ZBBX: variants seen among roughly 807,000 people sequenced by gnomAD.
The protein encoded by ZBBX is zinc finger B-box domain-containing protein 1.
A neutral mutation model predicts 108.5 loss-of-function variants in ZBBX; 101 were observed. That is an observed-to-expected ratio of 0.93 (90% CI 0.79 to 1.10). ZBBX has a LOEUF of 1.10. ZBBX is among the 50% of genes least tolerant of loss of function. The pLI, the probability that ZBBX is intolerant of heterozygous loss-of-function variation, is 0.00. For missense variants in ZBBX, 1,009 were observed against 941.4 expected, an observed-to-expected ratio of 1.07 and a Z score of -0.94; for synonymous variants, 356 against 323.4, an observed-to-expected ratio of 1.10 and a Z score of -1.08.
intron 11 of ZBBX, among the ~76,000 whole-genome samples, chr3:167,326,568 C>A (rs1031820388): frequency 1.3e-5 from 2 of 151,714 alleles, no homozygotes; most frequent in Non-Finnish European, 1.5e-5. Context: ...GCTTCCAAAG[C>A]AGACAAAGAA....
the ZBBX span, among the ~76,000 whole-genome samples, chr3:167,220,209 G>A: frequency 2.6e-4 from 40 of 151,874 alleles, no homozygotes; most frequent in African/African-American, 9.7e-4. Context: ...AATAGAGAAG[G>A]AAGGAACACT....
At position 167,240,058 on chromosome 3, in the gene ZBBX, A is replaced by G. The variant is rs544733846; in HGVS notation, c.*735T>C. On this transcript the variant is annotated 3_prime_UTR_variant, in exon 22 of 22. Transcript: ENST00000675490. ...CAGCAGCATAGGGGTAACTGCCCCC[A>G]TGATTCAATTACTTCCCACCAGGTC... Among the ~76,000 whole-genome samples, 5 of 152,220 alleles carry G rather than the reference A, an allele frequency of 3.3e-5. No homozygotes were observed. Among genetic ancestry groups the G allele is most frequent in the Admixed American group, 1.3e-4 (2 of 15,286 alleles).
intron 6 of ZBBX, among the ~76,000 whole-genome samples, chr3:167,361,315 TA>T (rs1744470280): frequency 6.6e-6 from 1 of 152,180 alleles, no homozygotes. Context: ...AATCATCACT[TA>T]AAATTTTGGG....
chr3:167,214,324 G>GA, the ZBBX span, among the ~76,000 whole-genome samples: 2 of 152,066 alleles, frequency 1.3e-5, no homozygotes, highest in African/African-American at 4.8e-5. Flanking sequence ...ATGGAAAACA[G>GA]AAAAAAGCAG....
In ZBBX at chr3:167,305,729, A is replaced by T; in HGVS notation, c.1639T>A (p.Ser547Thr). 6.2e-7 allele frequency: 1 copy of T among 1,612,150 alleles called. No homozygotes were observed. Among genetic ancestry groups the T allele is most frequent in the Non-Finnish European group, 8.5e-7 (1 of 1,179,308 alleles). The change falls in exon 17 of 22, where the codon TCT (serine) becomes ACT (threonine). Residue 547 changes from serine (S) to threonine (T), a missense_variant. Coordinates refer to ENST00000675490, the MANE Select transcript of ZBBX (RefSeq NM_001199201.2). ...TCCAAGGATTCTTTGATGTCTTGAG[A>T]TAATTTCTCCTCAATGGGAGCTTTT... is the stretch of plus-strand genomic sequence containing the variant. ...LEKAPIEEKLSQDIKESLELS... is the reference protein window; with the variant it reads ...LEKAPIEEKLTQDIKESLELS...
intron 20 of ZBBX, among the ~76,000 whole-genome samples, chr3:167,247,562 G>GTTA (rs1025145671): frequency 6.6e-5 from 10 of 152,148 alleles, no homozygotes; most frequent in African/African-American, 2.2e-4. Context: ...AATTGAGCTG[G>GTTA]TTAACACAAG....
chr3:167,302,676 T>C (rs761207682), intron 17 of ZBBX, among the ~76,000 whole-genome samples: 2 of 152,204 alleles, frequency 1.3e-5, no homozygotes, highest in Non-Finnish European at 2.9e-5. Context: ...TATAGTTTCA[T>C]GGATGCTGGA....
At chr3:167,378,275 C>A (rs887658099) in intron 2 of ZBBX, among the ~76,000 whole-genome samples, 1 of 152,136 alleles carries the variant, frequency 6.6e-6, no homozygotes, top group Non-Finnish European at 1.5e-5. Context: ...CTAAATGGTA[C>A]CCAAGTTGCC....
intron 18 of ZBBX, among the ~76,000 whole-genome samples, chr3:167,294,007 C>T (rs1006671349): frequency 6.6e-6 from 1 of 152,116 alleles, no homozygotes; most frequent in African/African-American, 2.4e-5. Flanking sequence ...AGAACCTCTT[C>T]AAGGAGAACT....
chr3:167,312,855 T>C (rs1734823209), intron 16 of ZBBX, among the ~76,000 whole-genome samples: 1 of 152,212 alleles, frequency 6.6e-6, no homozygotes, highest in Non-Finnish European at 1.5e-5. Flanking sequence ...CTGCTTTCTA[T>C]CTTCTGCTGC....
chr3:167,180,849 T>A, the ZBBX span, among the ~76,000 whole-genome samples: 1 of 152,314 alleles, frequency 6.6e-6, no homozygotes, highest in South Asian at 2.1e-4. Context: ...GAGAAGCCAA[T>A]CCTGGCTGTA....
At chr3:167,348,368 G>GAA (rs1222677422) in intron 9 of ZBBX, among the ~76,000 whole-genome samples, 2 of 111,586 alleles carry the variant, frequency 1.8e-5, no homozygotes, top group African/African-American at 6.8e-5. Context: ...AAGAAAGAAA[G>GAA]AAAAAAAAGA....
At chr3:167,239,538 T>C (rs1179752100), downstream of ZBBX, among the ~76,000 whole-genome samples, 2 of 152,134 alleles carry the variant, frequency 1.3e-5, no homozygotes, top group Non-Finnish European at 2.9e-5. Context: ...TATTTTCTCC[T>C]CCTTATGATT....
At chr3:167,382,696 G>A (rs1448341214), upstream of ZBBX, among the ~76,000 whole-genome samples, 1 of 151,982 alleles carries the variant, frequency 6.6e-6, no homozygotes, top group Non-Finnish European at 1.5e-5. Flanking sequence ...TGCCATACTA[G>A]AATACTGTTT....
At chr3:167,237,976 C>T (rs1720298746), downstream of ZBBX, among the ~76,000 whole-genome samples, 1 of 151,812 alleles carries the variant, frequency 6.6e-6, no homozygotes, top group African/African-American at 2.4e-5. Context: ...TAGGACAACA[C>T]CATATTCCTT....
At chr3:167,308,220 CTCA>C (rs1361457768) in intron 16 of ZBBX, among the ~76,000 whole-genome samples, 5 of 152,158 alleles carry the variant, frequency 3.3e-5, no homozygotes, top group African/African-American at 7.2e-5. Flanking sequence ...CTCAACATCA[CTCA>C]TCATTACAGA....
At chr3:167,315,892 C>T (rs905247112) in intron 14 of ZBBX, 63 bp from the exon 15 acceptor site, 1 of 1,002,840 alleles carries the variant, frequency 1.0e-6, no homozygotes, top group African/African-American at 1.6e-5. Context: ...CATTAACCAA[C>T]TTACTTATGG....
chr3:167,191,465 G>C, the ZBBX span, among the ~76,000 whole-genome samples: 1 of 152,144 alleles, frequency 6.6e-6, no homozygotes, highest in Admixed American at 6.5e-5. Flanking sequence ...CCAGTGGGAG[G>C]TGATTAAATT....
At chr3:167,251,181 G>C (rs2108359650) in intron 20 of ZBBX, among the ~76,000 whole-genome samples, 1 of 152,256 alleles carries the variant, frequency 6.6e-6, no homozygotes, top group East Asian at 1.9e-4. Flanking sequence ...TCTCCCTTCT[G>C]GCTCCCCCAG....
Sources: gnomAD v4.1 joint callset for allele counts (sites outside exome capture counted in the v4.1 genomes callset) on GRCh38, gnomAD v4.1.1 for gene constraint, MANE v1.5 for transcripts, NCBI Gene and HGNC (gene_info 2026-07-23, HGNC 2026-07-21) for gene names.